PARP1: variants seen among roughly 807,000 people sequenced by gnomAD.
The protein encoded by PARP1 is poly [ADP-ribose] polymerase 1.
In PARP1, 44 loss-of-function variants were observed where a neutral mutation model predicts 118.7. That is an observed-to-expected ratio of 0.37 (90% CI 0.29 to 0.48). PARP1 has a LOEUF of 0.48. PARP1 is among the 20% of genes least tolerant of loss of function. PARP1 has a pLI of 0.99. For synonymous variants in PARP1, 492 were observed against 483.2 expected (o/e 1.02, Z -0.24); for missense variants, 1,100 against 1,272.4 (o/e 0.86, Z 2.06).
In PARP1 at chr1:226,367,594, C is replaced by T; in HGVS notation, c.2292G>A (p.Met764Ile). The T allele has an allele frequency of 6.2e-7, 1 of 1,614,192 alleles. No individual in the cohort carries two copies. Reference sequence around the variant, plus strand: ...CCTCGATGTCCAGCAGGTTGTCAAGCATTTCCACCTTGGCCTGGAGGAGCA... The same window carrying T: ...CCTCGATGTCCAGCAGGTTGTCAAGTATTTCCACCTTGGCCTGGAGGAGCA... ...NADSVQAKVE[M>I]LDNLLDIEVA... Residue 764 changes from methionine to isoleucine, a missense_variant, in exon 17 of 23, where the codon ATG becomes ATA. Met to Ile is a conservative substitution (Grantham distance 10). This residue lies in a region of PARP1 where 948 missense variants were observed against 1,031.8 expected (regional missense o/e 0.92). Transcript: ENST00000366794.
rs369720424 is a variant in PARP1, at chr1:226,377,094, C to T, written c.1941+14G>A. The T allele has an allele frequency of 2.6e-5, 42 of 1,608,254 alleles. No homozygotes were observed. The highest frequency in any genetic ancestry group is 3.1e-5 in the Non-Finnish European group (36 of 1,175,618). The stretch of plus-strand genomic sequence containing the variant: ...TTCCTAGAAGCAGACAGTGTAAGGG[C>T]ATTATGTGGTTACCTGGCCATAGTC... On this transcript the variant is annotated intron_variant, in intron 13 of 22. Coordinates refer to ENST00000366794, the MANE Select transcript of PARP1 (RefSeq NM_001618.4).
At chr1:226,382,459 G>A (rs1468112095) in intron 8 of PARP1, among the ~76,000 whole-genome samples, 1 of 152,194 alleles carries the variant, frequency 6.6e-6, no homozygotes, top group Non-Finnish European at 1.5e-5. Flanking sequence ...AGGTAAGGCT[G>A]TCGACCTAGC....
At chr1:226,379,296 TAC>T (rs755448759) in intron 11 of PARP1, 22 bp from the exon 12 acceptor site, 6 of 1,614,178 alleles carry the variant, frequency 3.7e-6, no homozygotes, top group Non-Finnish European at 4.2e-6. Context: ...GAAAAGCACC[TAC>T]AGTTTTCTCT....
At chr1:226,372,694 C>A (rs2102731344) in intron 14 of PARP1, among the ~76,000 whole-genome samples, 1 of 152,172 alleles carries the variant, frequency 6.6e-6, no homozygotes, top group East Asian at 1.9e-4. Context: ...CAAACCAAAC[C>A]AAACACAAAA....
rs946326508 is a variant in PARP1 at position 226,388,745 on chromosome 1, C to T, written c.628G>A (p.Gly210Ser). ...TCATCCACTCCATCCACCTCATCGC[C>T]TTTTCTCTTTCTGAAGGAGACACAG... The part of the protein sequence containing the change: ...PGVKSEGKRK[G>S]DEVDGVDEVA... The change falls in exon 5 of 23, where the codon GGC (glycine) becomes AGC (serine). Residue 210 changes from glycine (G) to serine (S), a missense_variant. Coordinates refer to ENST00000366794, the MANE Select transcript of PARP1 (RefSeq NM_001618.4). The T allele has an allele frequency of 4.3e-6, 7 of 1,613,636 alleles. No homozygotes were observed. In the East Asian group the frequency reaches 6.7e-5, roughly 15 times the overall value.
rs55746957 is a variant in PARP1, at chr1:226,386,145, C to T, written c.834+181G>A. ...GTGTGAATGCCGGCCCCATCCACCC[C>T]GGAAAAATGGTGACCACGATGGTGG... On this transcript the variant is annotated intron_variant, in intron 6 of 22. Transcript: ENST00000366794. Among the ~76,000 whole-genome samples, 204 of 152,318 alleles carry T rather than the reference C, an allele frequency of 1.3e-3. 2 individuals are homozygous for T. The highest frequency in any genetic ancestry group is 1.0e-3 in the Non-Finnish European group (71 of 68,036).
intron 20 of PARP1, 49 bp from the exon 21 acceptor site, chr1:226,363,209 G>T: frequency 8.1e-7 from 1 of 1,229,082 alleles, no homozygotes; most frequent in Non-Finnish European, 1.2e-6. Context: ...CTGGGCTCTC[G>T]AAACCAACAG....
At chr1:226,392,822 TAA>T in intron 2 of PARP1, 2 of 970,460 alleles carry the variant, frequency 2.1e-6, no homozygotes, top group Non-Finnish European at 3.0e-6. Flanking sequence ...AATTATTCAA[TAA>T]AGAGTTCTGG....
intron 8 of PARP1, 98 bp from the exon 9 acceptor site, chr1:226,381,306 T>C: frequency 2.1e-6 from 3 of 1,423,814 alleles, no homozygotes; most frequent in Non-Finnish European, 3.0e-6. Flanking sequence ...AGCGAGCTCC[T>C]GGGAAAAGCC....
chr1:226,380,537 C>G (rs1056140461), intron 9 of PARP1, among the ~76,000 whole-genome samples: 1 of 152,228 alleles, frequency 6.6e-6, no homozygotes, highest in African/African-American at 2.4e-5. Flanking sequence ...TTTTACCCTA[C>G]CTTTTCCAAA....
chr1:226,385,582 G>A lies in PARP1; in HGVS notation c.933C>T (p.Cys311=), dbSNP rs1248725172. 1 of 1,614,120 alleles carries A rather than the reference G, an allele frequency of 6.2e-7. No individual in the cohort carries two copies. Among genetic ancestry groups the A allele is most frequent in the Admixed American group, 1.7e-5 (1 of 60,028 alleles). Residue 311 remains cysteine (C), a synonymous_variant, in exon 7 of 23, where the codon TGC becomes TGT. Coordinates refer to ENST00000366794, the MANE Select transcript of PARP1 (RefSeq NM_001618.4). The part of the protein sequence containing the change: ...QLVFKSDAYY[C]TGDVTAWTKC... ...TGGTCCAGGCAGTGACGTCCCCAGTGCAGTAATAGGCATCGCTCTTGAAGA... is the reference window on the plus strand; with the variant it reads ...TGGTCCAGGCAGTGACGTCCCCAGTACAGTAATAGGCATCGCTCTTGAAGA...
chr1:226,395,222 T>G (rs747359682), intron 2 of PARP1, among the ~76,000 whole-genome samples: 1 of 152,150 alleles, frequency 6.6e-6, no homozygotes, highest in South Asian at 2.1e-4. Flanking sequence ...GGATGGAGGC[T>G]ACTCAAAAAA....
intron 2 of PARP1, chr1:226,392,533 T>G (rs1664839705): frequency 1.7e-6 from 1 of 583,168 alleles, no homozygotes; most frequent in African/African-American, 1.9e-5. Context: ...ACTGAGCTCC[T>G]TGAAAGAGCA....
chr1:226,371,734 G>A (rs1381888290), intron 14 of PARP1, among the ~76,000 whole-genome samples: 1 of 152,212 alleles, frequency 6.6e-6, no homozygotes, highest in East Asian at 1.9e-4. Context: ...AAGTTCTGAC[G>A]GCAGAGCATG....
chr1:226,374,628 C>T (rs1664454924), intron 13 of PARP1, among the ~76,000 whole-genome samples: 1 of 152,200 alleles, frequency 6.6e-6, no homozygotes, highest in Non-Finnish European at 1.5e-5. Flanking sequence ...CATGGGCTGA[C>T]CCACCCTGGG....
chr1:226,377,335 T>A, intron 12 of PARP1, 32 bp from the exon 13 acceptor site: 1 of 1,557,264 alleles, frequency 6.4e-7, no homozygotes, highest in Non-Finnish European at 8.9e-7. Flanking sequence ...CAGATACACA[T>A]GTGTGGGTCA....
intron 22 of PARP1, 166 bp downstream of exon 22, chr1:226,361,803 C>A: frequency 1.5e-6 from 1 of 688,806 alleles, no homozygotes; most frequent in South Asian, 1.6e-5. Context: ...CCCTGTAAGC[C>A]AGGCTATGCA....
At chr1:226,372,863 C>T (rs972011333) in intron 14 of PARP1, among the ~76,000 whole-genome samples, 4 of 152,162 alleles carry the variant, frequency 2.6e-5, no homozygotes, top group Non-Finnish European at 5.9e-5. Context: ...TACCGTAGCA[C>T]CTCTCAACCT....
intron 10 of PARP1, 40 bp from the exon 11 acceptor site, chr1:226,379,681 G>T (rs1390480453): frequency 6.6e-7 from 1 of 1,521,986 alleles, no homozygotes; most frequent in Admixed American, 1.7e-5. Context: ...GAAGTTAAAT[G>T]TAACTAAAAA....
Sources: gnomAD v4.1 joint callset for allele counts (sites outside exome capture counted in the v4.1 genomes callset) on GRCh38, gnomAD v4.1.1 for gene constraint, gnomAD v4.1.1 regional missense constraint, MANE v1.5 for transcripts, NCBI Gene and HGNC (gene_info 2026-07-23, HGNC 2026-07-21) for gene names.